PPP3CC: variants seen among roughly 807,000 people sequenced by gnomAD.
PPP3CC encodes the protein serine/threonine-protein phosphatase 2B catalytic subunit gamma isoform.
PPP3CC carries 35 observed loss-of-function variants against 60.3 expected under a neutral mutation model. The observed-to-expected ratio is 0.58, with a 90% CI of 0.44 to 0.77. PPP3CC has a LOEUF of 0.77. Ranked by LOEUF, PPP3CC falls within the 30% of genes least tolerant of loss-of-function variation. The pLI is 0.00. For missense variants in PPP3CC, 570 were observed against 628.9 expected (o/e 0.91, Z 1.00); for synonymous variants, 206 against 224.3 (o/e 0.92, Z 0.73).
chr8:22,521,884 A>C (rs1301192861), intron 6 of PPP3CC, among the ~76,000 whole-genome samples: 1 of 151,734 alleles, frequency 6.6e-6, no homozygotes, highest in Non-Finnish European at 1.5e-5. Context: ...CTGCTCCTAA[A>C]ATATTCCTGC....
At chr8:22,477,271 G>A (rs1267123672) in intron 3 of PPP3CC, among the ~76,000 whole-genome samples, 4 of 152,146 alleles carry the variant, frequency 2.6e-5, no homozygotes, top group Non-Finnish European at 1.5e-5. Context: ...GAGGTCAGGA[G>A]TTCGAGACCA....
intron 3 of PPP3CC, among the ~76,000 whole-genome samples, chr8:22,488,878 T>A (rs1838300211): frequency 1.3e-5 from 2 of 152,098 alleles, no homozygotes; most frequent in African/African-American, 4.8e-5. Flanking sequence ...TCTAGGGCAG[T>A]CCATGTATAG....
intron 1 of PPP3CC, among the ~76,000 whole-genome samples, chr8:22,456,237 C>G (rs1041663246): frequency 1.3e-5 from 2 of 151,390 alleles, no homozygotes; most frequent in African/African-American, 4.9e-5. Context: ...GCAGGTCAAC[C>G]CATGTGGCTG....
At chr8:22,469,963 CATAT>C (rs35947743) in intron 1 of PPP3CC, among the ~76,000 whole-genome samples, 1,909 of 146,212 alleles carry the variant, frequency 0.013, 35 homozygotes, top group African/African-American at 0.042. Flanking sequence ...TGCTCAAAGA[CATAT>C]ATATATATAT....
chr8:22,533,538 C>T (rs1586873479), intron 12 of PPP3CC, among the ~76,000 whole-genome samples: 1 of 152,118 alleles, frequency 6.6e-6, no homozygotes, highest in Admixed American at 6.5e-5. Flanking sequence ...TCAAAGTGGC[C>T]AATAGGCCTG....
chr8:22,453,466 C>T (rs1271502871), intron 1 of PPP3CC, among the ~76,000 whole-genome samples: 1 of 152,088 alleles, frequency 6.6e-6, no homozygotes, highest in Admixed American at 6.6e-5. Flanking sequence ...AGTTCCAGGA[C>T]CCCCACATAT....
Position 22,513,008 on chromosome 8 carries a change from G to A in PPP3CC, c.631-285G>A, listed in dbSNP as rs191554423. Among the ~76,000 whole-genome samples the A allele has an allele frequency of 1.1e-3, 163 of 152,068 alleles. 2 individuals carry two copies. The East Asian group carries it at 0.019, about 18-fold the overall frequency. ...GGAGAATCGCTTGAACCTGGGAGGC[G>A]GAGTTTGCGGTGAGCCGAGATCGTG... is the stretch of plus-strand genomic sequence containing the variant. On this transcript the variant is annotated intron_variant, in intron 5 of 13. Transcript: ENST00000240139.
intron 3 of PPP3CC, among the ~76,000 whole-genome samples, chr8:22,497,637 T>C (rs918947296): frequency 1.3e-5 from 2 of 152,200 alleles, no homozygotes; most frequent in African/African-American, 4.8e-5. Flanking sequence ...CTGATACCCT[T>C]ACACCAGTTT....
chr8:22,444,156 T>C (rs2132419340), intron 1 of PPP3CC, among the ~76,000 whole-genome samples: 1 of 151,636 alleles, frequency 6.6e-6, no homozygotes, highest in East Asian at 1.9e-4. Context: ...CTTGGGAGGC[T>C]GAGGCAGGAG....
chr8:22,531,534 C>G (rs1839717095), intron 10 of PPP3CC, among the ~76,000 whole-genome samples: 1 of 152,164 alleles, frequency 6.6e-6, no homozygotes, highest in Non-Finnish European at 1.5e-5. Context: ...GGCCATGTTT[C>G]TTTTTCTGAC....
chr8:22,490,482 T>C (rs1159510880), intron 3 of PPP3CC, among the ~76,000 whole-genome samples: 1 of 152,234 alleles, frequency 6.6e-6, no homozygotes, highest in African/African-American at 2.4e-5. Context: ...CTTTAAGTTC[T>C]AGTGTACATG....
chr8:22,480,586 C>T (rs1186027052), intron 3 of PPP3CC, among the ~76,000 whole-genome samples: 1 of 152,212 alleles, frequency 6.6e-6, no homozygotes, highest in Non-Finnish European at 1.5e-5. Context: ...TCAAGTGATT[C>T]TCCTGCCTCA....
At chr8:22,478,178 G>A (rs985314127) in intron 3 of PPP3CC, among the ~76,000 whole-genome samples, 1 of 149,446 alleles carries the variant, frequency 6.7e-6, no homozygotes, top group Non-Finnish European at 1.5e-5. Flanking sequence ...TTGAGATGGA[G>A]TCTTGCTCTG....
chr8:22,447,645 A>G (rs765579823), intron 1 of PPP3CC, among the ~76,000 whole-genome samples: 7 of 152,160 alleles, frequency 4.6e-5, no homozygotes, highest in Non-Finnish European at 8.8e-5. Context: ...AAAATTTAGC[A>G]GCATTTTACA....
chr8:22,451,219 T>G (rs964783353), intron 1 of PPP3CC, among the ~76,000 whole-genome samples: 1 of 150,858 alleles, frequency 6.6e-6, no homozygotes, highest in African/African-American at 2.4e-5. Flanking sequence ...CACTGCAACC[T>G]CCGCCTCCCA....
At chr8:22,510,108 C>T (rs573593543) in intron 4 of PPP3CC, among the ~76,000 whole-genome samples, 19 of 148,374 alleles carry the variant, frequency 1.3e-4, no homozygotes, top group African/African-American at 4.5e-4. Flanking sequence ...TGCAAGAACC[C>T]GGAAGGCAGA....
chr8:22,489,657 ATATAT>A, intron 3 of PPP3CC, among the ~76,000 whole-genome samples: 1 of 141,728 alleles, frequency 7.1e-6, no homozygotes, highest in East Asian at 2.0e-4. Context: ...TACAATAAGT[ATATAT>A]TATATATAAG....
Position 22,540,810 on chromosome 8 carries a change from T to C in PPP3CC, c.*8T>C, listed in dbSNP as rs1839943042. ...AAGAAAGCCCATTCATGACTTAGAG[T>C]CCTGCCGTGGCTCAGGTGGATCTAA... On this transcript the variant is annotated 3_prime_UTR_variant, in exon 14 of 14. Coordinates refer to ENST00000240139, the MANE Select transcript of PPP3CC (RefSeq NM_005605.5). 1.3e-6 allele frequency: 2 copies of C among 1,595,100 alleles called. No homozygotes were observed. Among genetic ancestry groups the C allele is most frequent in the South Asian group, 2.3e-5 (2 of 88,670 alleles).
chr8:22,537,407 A>G (rs1116085), intron 12 of PPP3CC, among the ~76,000 whole-genome samples: 69,829 of 152,028 alleles, frequency 0.46, 16,127 homozygotes, highest in East Asian at 0.59. Flanking sequence ...AGTTAATAAG[A>G]AGTGTTGATG....
Sources: allele counts gnomAD v4.1 joint callset (sites outside exome capture counted in the v4.1 genomes callset), GRCh38; gene constraint gnomAD v4.1.1; transcripts MANE v1.5; gene names NCBI Gene and HGNC (gene_info 2026-07-23, HGNC 2026-07-21).